The following BCOR variants were observed in gnomAD, a reference collection of about 807,000 sequenced individuals.
BCOR encodes the protein BCL-6 corepressor.
In BCOR, 10 loss-of-function variants were observed where a neutral mutation model predicts 86.7. The observed-to-expected ratio is 0.12, with a 90% CI of 0.07 to 0.20. BCOR has a LOEUF of 0.20. Ranked by LOEUF, BCOR falls within the 10% of genes least tolerant of loss-of-function variation. The probability of loss-of-function intolerance (pLI) is 1.00; values close to 1 mark genes in which losing one functional copy is unlikely to be tolerated. For missense variants in BCOR, 1,259 were observed against 1,452.1 expected, an observed-to-expected ratio of 0.87 and a Z score of 2.16; for synonymous variants, 611 against 609.0, an observed-to-expected ratio of 1.00 and a Z score of -0.05.
At chrX:40,175,294 G>A (rs1938720131) in intron 1 of BCOR, among the ~76,000 whole-genome samples, 1 of 113,408 alleles carries the variant, frequency 8.8e-6, no homozygotes, top group South Asian at 3.5e-4. Context: ...CGTAAGCGCG[G>A]CACTCAGCAG....
intron 1 of BCOR, among the ~76,000 whole-genome samples, chrX:40,081,100 T>C (rs1025605403): frequency 9.0e-6 from 1 of 111,463 alleles, no homozygotes; most frequent in Non-Finnish European, 1.9e-5. Context: ...CATAATTTCA[T>C]TGCAACAAGC....
chrX:40,064,163 A>C (rs779234140), intron 7 of BCOR, among the ~76,000 whole-genome samples, 173 bp downstream of exon 7: 6 of 110,657 alleles, frequency 5.4e-5, no homozygotes, highest in Admixed American at 4.7e-4. Flanking sequence ...TGGGAACCTC[A>C]CGAGGCAGTG....
intron 1 of BCOR, among the ~76,000 whole-genome samples, chrX:40,163,888 G>A (rs969285526): frequency 2.7e-5 from 3 of 110,458 alleles, no homozygotes; most frequent in Non-Finnish European, 5.7e-5. Context: ...GCCGAGCATG[G>A]TGGTGCATGC....
chrX:40,136,012 T>C (rs756257804), intron 1 of BCOR, among the ~76,000 whole-genome samples: 269 of 112,069 alleles, frequency 2.4e-3, no homozygotes, highest in Middle Eastern at 0.019. Context: ...CTTTTAGAGG[T>C]AGAGCATGCC....
intron 10 of BCOR, among the ~76,000 whole-genome samples, chrX:40,058,125 C>G (rs1431103439): frequency 8.9e-6 from 1 of 112,523 alleles, no homozygotes; most frequent in African/African-American, 3.2e-5. Context: ...TAAGACAATC[C>G]TTCCCTTCCC....
Position 40,168,475 on chromosome X carries a change from G to A in BCOR, c.-41+8532C>T, listed in dbSNP as rs1938550604. Among the ~76,000 whole-genome samples, 5 of 113,161 alleles carry A rather than the reference G, an allele frequency of 4.4e-5. 2 individuals are homozygous for A. In the Admixed American group the frequency reaches 4.6e-4, roughly 10 times the overall value. ...GAACCTGAAACTCCGGACTTGGTCC[G>A]GGTGGGGCACAAAGCTACGTGGAGG... On this transcript the variant is annotated intron_variant, in intron 1 of 14. Transcript: ENST00000342274.
At chrX:40,129,778 G>A (rs976689608) in intron 1 of BCOR, among the ~76,000 whole-genome samples, 9 of 110,753 alleles carry the variant, frequency 8.1e-5, no homozygotes, top group Admixed American at 6.8e-4. Flanking sequence ...GGTGGCTCAC[G>A]CCTGTAAACC....
intron 1 of BCOR, among the ~76,000 whole-genome samples, chrX:40,144,440 A>G (rs1937995366): frequency 1.8e-5 from 2 of 111,778 alleles, no homozygotes; most frequent in Admixed American, 9.5e-5. Context: ...CTGGCTATAC[A>G]TGTGGGGTAT....
chrX:40,119,314 A>C (rs751156034), intron 1 of BCOR, among the ~76,000 whole-genome samples: 6 of 107,346 alleles, frequency 5.6e-5, no homozygotes, highest in Non-Finnish European at 9.7e-5. Context: ...ACCTAGGCTA[A>C]AGTGCAGTGG....
intron 1 of BCOR, among the ~76,000 whole-genome samples, chrX:40,118,620 C>T (rs931634687): frequency 8.9e-6 from 1 of 111,779 alleles, no homozygotes; most frequent in African/African-American, 3.3e-5. Context: ...CTTCCCTTCA[C>T]CCCCTCTTAA....
chrX:40,173,777 T>C (rs894135302), intron 1 of BCOR, among the ~76,000 whole-genome samples: 6 of 112,318 alleles, frequency 5.3e-5, no homozygotes, highest in African/African-American at 1.9e-4. Context: ...GACACCTTTT[T>C]TGATGGCTGA....
intron 1 of BCOR, among the ~76,000 whole-genome samples, chrX:40,087,209 G>A (rs1936398695): frequency 8.8e-6 from 1 of 113,154 alleles, no homozygotes. Context: ...GCCCTCAGCG[G>A]AATGCCTCCT....
chrX:40,060,740 G>A (rs1295881578), intron 10 of BCOR, among the ~76,000 whole-genome samples: 1 of 112,946 alleles, frequency 8.9e-6, no homozygotes, highest in Non-Finnish European at 1.9e-5. Context: ...GGTTTAATCT[G>A]CAAGTAACTG....
At chrX:40,103,103 T>TG (rs201972249) in intron 1 of BCOR, among the ~76,000 whole-genome samples, 19,590 of 100,882 alleles carry the variant, frequency 0.19, 3,258 homozygotes, top group African/African-American at 0.53. Flanking sequence ...GGGGGTGGGG[T>TG]GGGGGGGCTC....
intron 1 of BCOR, among the ~76,000 whole-genome samples, chrX:40,134,522 C>T (rs1207715272): frequency 9.0e-6 from 1 of 111,183 alleles, no homozygotes; most frequent in Non-Finnish European, 1.9e-5. Flanking sequence ...TCTTGGGAGG[C>T]TGAGGTGGGA....
At chrX:40,141,899 C>T (rs1431509411) in intron 1 of BCOR, among the ~76,000 whole-genome samples, 3 of 111,130 alleles carry the variant, frequency 2.7e-5, no homozygotes, top group Non-Finnish European at 5.7e-5. Context: ...TCCATTGCTA[C>T]AGGTTGCCCT....
Position 40,073,174 on chromosome X carries a change from C to T in BCOR, c.2172G>A (p.Met724Ile). ...TGTGTGGTATCAACATGGGATGCAC[C>T]ATGCCCAACCCCAGGGCATCTTGGT... ...VTYQDALGLGMVHPMLIPHTP... is the reference protein window; with the variant it reads ...VTYQDALGLGIVHPMLIPHTP... Residue 724 changes from methionine to isoleucine, a missense_variant, in exon 4 of 15, where the codon ATG (methionine) becomes ATA (isoleucine). Physicochemically the swap from Met to Ile is conservative, Grantham distance 10. Transcript: ENST00000378444. 8.3e-7 allele frequency: 1 copy of T among 1,212,083 alleles called. No individual in the cohort carries two copies. The highest frequency in any genetic ancestry group is 1.1e-6 in the Non-Finnish European group (1 of 895,546).
At chrX:40,105,791 A>G (rs1325306022) in intron 1 of BCOR, among the ~76,000 whole-genome samples, 1 of 112,895 alleles carries the variant, frequency 8.9e-6, no homozygotes, top group African/African-American at 3.2e-5. Flanking sequence ...CAGGCGACAG[A>G]GCGCGAAGCC....
At chrX:40,089,978 A>G (rs947051816) in intron 1 of BCOR, among the ~76,000 whole-genome samples, 2 of 111,948 alleles carry the variant, frequency 1.8e-5, no homozygotes, top group Admixed American at 9.4e-5. Context: ...CCTTTCCCCA[A>G]CGTTTCTTTA....
Sources: gnomAD v4.1 joint callset for allele counts (sites outside exome capture counted in the v4.1 genomes callset) on GRCh38, gnomAD v4.1.1 for gene constraint, MANE v1.5 for transcripts, NCBI Gene and HGNC (gene_info 2026-07-23, HGNC 2026-07-21) for gene names.